CACNA1B: variants seen among roughly 807,000 people sequenced by gnomAD.
The protein encoded by CACNA1B is voltage-dependent N-type calcium channel subunit alpha-1B.
In CACNA1B, 70 loss-of-function variants were observed where a neutral mutation model predicts 247.2. The ratio of observed to expected loss-of-function variants is 0.28; its 90% CI spans 0.23 to 0.35. The LOEUF (loss-of-function observed/expected upper bound fraction) is 0.35. Among genes scored for constraint, CACNA1B ranks in the 10% least tolerant of loss-of-function variants. The pLI, the probability that CACNA1B is intolerant of heterozygous loss-of-function variation, is 1.00. For synonymous variants in CACNA1B, 1,231 were observed against 1,294.4 expected, an observed-to-expected ratio of 0.95 and a Z score of 1.05; for missense variants, 2,367 against 3,197.4, an observed-to-expected ratio of 0.74 and a Z score of 6.26.
intron 10 of CACNA1B, among the ~76,000 whole-genome samples, chr9:137,959,569 A>G (rs1445532736): frequency 6.6e-6 from 1 of 151,770 alleles, no homozygotes; most frequent in African/African-American, 2.4e-5. Flanking sequence ...CTGTGAATCT[A>G]TATAATCCAA....
chr9:138,009,835 G>T (rs936685242), intron 16 of CACNA1B, among the ~76,000 whole-genome samples, 175 bp from the exon 17 acceptor site: 2 of 152,134 alleles, frequency 1.3e-5, no homozygotes, highest in Admixed American at 6.5e-5. Context: ...GGAACAGGGG[G>T]CTGGAGGGCC....
intron 11 of CACNA1B, 99 bp from the exon 12 acceptor site, chr9:137,975,808 C>T: frequency 1.3e-6 from 1 of 749,480 alleles, no homozygotes; most frequent in Non-Finnish European, 2.4e-6. Context: ...GAAGGCTCAG[C>T]CCTGGGAAGG....
At chr9:138,113,014 A>AG (rs1961704410) in intron 40 of CACNA1B, among the ~76,000 whole-genome samples, 2 of 92,480 alleles carry the variant, frequency 2.2e-5, no homozygotes, top group African/African-American at 8.4e-5. Flanking sequence ...GGGAGCGCAG[A>AG]GAGGTGCCCA....
At position 138,075,950 on chromosome 9, in the gene CACNA1B, C is replaced by T. The variant is rs201920560; in HGVS notation, c.4949+40C>T. Reference sequence around the variant, plus strand: ...CAGCCCAGGCCAATGTCTGCTCTTCCGTCGGGGGCTGCTTTACTCAGGATG... The same window carrying T: ...CAGCCCAGGCCAATGTCTGCTCTTCTGTCGGGGGCTGCTTTACTCAGGATG... On this transcript the variant is annotated intron_variant, in intron 35 of 46. Transcript: ENST00000371372. The T allele has an allele frequency of 1.7e-5, 23 of 1,317,296 alleles. No homozygotes were observed. The Middle Eastern group carries it at 5.5e-4, about 31-fold the overall frequency. 81.6% of individuals were successfully genotyped at this position (1,317,296 alleles called of 1,614,324 possible).
intron 3 of CACNA1B, among the ~76,000 whole-genome samples, chr9:137,912,393 G>A (rs144596584): frequency 9.2e-5 from 14 of 152,316 alleles, no homozygotes; most frequent in African/African-American, 2.6e-4. Flanking sequence ...AGACTTGACC[G>A]TTAGAATTGG....
chr9:138,065,469 G>T (rs751300832), intron 31 of CACNA1B, among the ~76,000 whole-genome samples: 1 of 152,184 alleles, frequency 6.6e-6, no homozygotes, highest in African/African-American at 2.4e-5. Flanking sequence ...AGCAGGGAGG[G>T]GGACGCTCCT....
In CACNA1B at chr9:138,023,309, G is replaced by A. The variant is rs1317360652; in HGVS notation, c.2566G>A (p.Asp856Asn). The change falls in exon 19 of 47, where the codon GAC (aspartate) becomes AAC (asparagine). Residue 856 changes from aspartate (D) to asparagine (N), a missense_variant. Asp to Asn is a conservative substitution (Grantham distance 23). This residue lies in a region of CACNA1B where 631 missense variants were observed against 631.1 expected (regional missense o/e 1.00). Coordinates refer to ENST00000371372, the MANE Select transcript of CACNA1B (RefSeq NM_000718.4). ...DPPRRHHRHRDKDKTPAAGDQ... is the reference protein window; with the variant it reads ...DPPRRHHRHRNKDKTPAAGDQ... ...TCCGCGCAGGCACCACCGGCACCGC[G>A]ACAAGGACAAGACCCCCGCGGCGGG... 1.3e-6 allele frequency: 2 copies of A among 1,514,522 alleles called. No individual in the cohort carries two copies. Among genetic ancestry groups the A allele is most frequent in the East Asian group, 2.6e-5 (1 of 37,878 alleles). 93.8% of individuals were successfully genotyped at this position (1,514,522 alleles called of 1,614,324 possible).
intron 3 of CACNA1B, among the ~76,000 whole-genome samples, chr9:137,898,932 A>G (rs914268871): frequency 6.6e-6 from 1 of 151,814 alleles, no homozygotes; most frequent in African/African-American, 2.4e-5. Context: ...CGCCTGCCTC[A>G]GCCTCCCTAA....
At chr9:137,885,220 T>C (rs1480057694) in intron 3 of CACNA1B, among the ~76,000 whole-genome samples, 35 of 151,252 alleles carry the variant, frequency 2.3e-4, no homozygotes, top group Admixed American at 2.3e-3. Context: ...GGGTTGGAGG[T>C]GATCTGTGTC....
chr9:138,052,197 C>G lies in CACNA1B; in HGVS notation c.3807+9C>G. ...GGCTGCCCAAGCTCAAGGTTAGAGC[C>G]TGGAGTTGGGGCTTGAGGGATGTGC... On this transcript the variant is annotated intron_variant, in intron 25 of 46. Transcript: ENST00000371372. This position sits in a 1 kb window ranked among gnomAD's most constrained non-coding sequence, Gnocchi z 5.1. 2 of 1,559,510 alleles carry G rather than the reference C, an allele frequency of 1.3e-6. No homozygotes were observed. Among genetic ancestry groups the G allele is most frequent in the Non-Finnish European group, 1.8e-6 (2 of 1,134,042 alleles).
rs754839082 is a variant in CACNA1B, at chr9:138,121,961, C to T, written c.6982C>T (p.His2328Tyr). The T allele has an allele frequency of 1.5e-5, 24 of 1,602,340 alleles. No homozygotes were observed. Among genetic ancestry groups the T allele is most frequent in the African/African-American group, 2.7e-5 (2 of 74,926 alleles). The change falls in exon 47 of 47, where the codon CAC (histidine) becomes TAC (tyrosine). Residue 2328 changes from histidine to tyrosine, a missense_variant. Physicochemically the swap from His to Tyr is moderately conservative, Grantham distance 83. Coordinates refer to ENST00000371372, the MANE Select transcript of CACNA1B (RefSeq NM_000718.4). The surrounding 1 kb of genome is among the most constrained non-coding windows in gnomAD (Gnocchi z 6.8). ...LGLSSGGRAR[H>Y]SYHHPDQDHW... The stretch of plus-strand genomic sequence containing the variant: ...ACTCAGCTCGGGTGGCCGAGCACGG[C>T]ACAGCTACCACCACCCTGACCAAGA...
At chr9:138,064,975 C>G (rs1335937264) in intron 31 of CACNA1B, among the ~76,000 whole-genome samples, 1 of 152,228 alleles carries the variant, frequency 6.6e-6, no homozygotes, top group African/African-American at 2.4e-5. Flanking sequence ...TTCTAGCATG[C>G]CTACCTCTCT....
At chr9:138,071,606 G>T (rs924745466) in intron 32 of CACNA1B, among the ~76,000 whole-genome samples, 10 of 152,202 alleles carry the variant, frequency 6.6e-5, no homozygotes, top group South Asian at 2.1e-4. Context: ...AGAGAAGCCA[G>T]GAGGAAGGGG....
intron 6 of CACNA1B, among the ~76,000 whole-genome samples, chr9:137,945,157 A>G (rs1397976023): frequency 6.6e-6 from 1 of 152,194 alleles, no homozygotes; most frequent in Non-Finnish European, 1.5e-5. Flanking sequence ...TCCAGCTGAT[A>G]TTGGGGCTAT....
intron 40 of CACNA1B, 69 bp downstream of exon 40, chr9:138,112,574 T>C: frequency 1.9e-6 from 2 of 1,081,002 alleles, no homozygotes; most frequent in East Asian, 2.4e-5. Flanking sequence ...GCTGGAGGGC[T>C]GTGGAGGTGA....
At position 137,917,834 on chromosome 9, in the gene CACNA1B, C is replaced by A. The variant is rs1331107513; in HGVS notation, c.966+403C>A. Among the ~76,000 whole-genome samples, 1 of 152,230 alleles carries A rather than the reference C, an allele frequency of 6.6e-6. No homozygotes were observed. Among genetic ancestry groups the A allele is most frequent in the East Asian group, 1.9e-4 (1 of 5,202 alleles). ...GTTGACTCCTCTCAGGAACCTGTTGCACAGATGATGAGGCTGACTTGTGGA... is the reference window on the plus strand; with the variant it reads ...GTTGACTCCTCTCAGGAACCTGTTGAACAGATGATGAGGCTGACTTGTGGA... On this transcript the variant is annotated intron_variant, in intron 6 of 46. Coordinates refer to ENST00000371372, the MANE Select transcript of CACNA1B (RefSeq NM_000718.4). The surrounding 1 kb of genome is among the most constrained non-coding windows in gnomAD (Gnocchi z 5.5).
In CACNA1B at chr9:138,015,737, C is replaced by A. The variant is rs114522557; in HGVS notation, c.2267+2502C>A. On this transcript the variant is annotated intron_variant, in intron 18 of 46. Coordinates refer to ENST00000371372, the MANE Select transcript of CACNA1B (RefSeq NM_000718.4). ...CCAGAACATGCCTCAGAAGGGCACC[C>A]TAGCGTGTCGCATGCAGTGCTGTGC... Among the ~76,000 whole-genome samples, 638 of 152,278 alleles carry A rather than the reference C, an allele frequency of 4.2e-3. 4 individuals carry two copies. The highest frequency in any genetic ancestry group is 0.013 in the African/African-American group (561 of 41,562).
At position 138,057,292 on chromosome 9, in the gene CACNA1B, A is replaced by ATACAAATCCCTAAT; in HGVS notation, c.3969-440_3969-439insTACAAATCCCTAAT. 1.3e-5 allele frequency among the ~76,000 whole-genome samples: 2 copies of ATACAAATCCCTAAT among 152,086 alleles called. No individual in the cohort carries two copies. Among genetic ancestry groups the ATACAAATCCCTAAT allele is most frequent in the Non-Finnish European group, 2.9e-5 (2 of 68,006 alleles). ...ATTCTAAATACAACTCCCTTATCAG[A>ATACAAATCCCTAAT]CAGAGGATTAGGAAATAAGTATTTT... On this transcript the variant is annotated intron_variant, in intron 26 of 46. Coordinates refer to ENST00000371372, the MANE Select transcript of CACNA1B (RefSeq NM_000718.4). The surrounding 1 kb of genome is among the most constrained non-coding windows in gnomAD (Gnocchi z 4.0).
At chr9:137,960,090 A>AC in intron 10 of CACNA1B, among the ~76,000 whole-genome samples, 1 of 120,830 alleles carries the variant, frequency 8.3e-6, no homozygotes, top group South Asian at 3.0e-4. Context: ...GAGGGAAGCC[A>AC]GGGGAGGGGA....
Sources: allele counts gnomAD v4.1 joint callset (sites outside exome capture counted in the v4.1 genomes callset), GRCh38; gene constraint gnomAD v4.1.1; regional missense constraint gnomAD v4.1.1; non-coding constraint Gnocchi (gnomAD v3.1); transcripts MANE v1.5; gene names NCBI Gene and HGNC (gene_info 2026-07-23, HGNC 2026-07-21).